The following KDM4C variants were observed in gnomAD, a reference collection of about 807,000 sequenced individuals.
KDM4C encodes lysine demethylase 4C.
In KDM4C, 81 loss-of-function variants were observed where a neutral mutation model predicts 129.3. That is an observed-to-expected ratio of 0.63 (90% CI 0.52 to 0.75). The LOEUF (loss-of-function observed/expected upper bound fraction) is 0.75. Among genes scored for constraint, KDM4C ranks in the 30% least tolerant of loss-of-function variants. The pLI, the probability that KDM4C is intolerant of heterozygous loss-of-function variation, is 0.00. For synonymous variants in KDM4C, 573 were observed against 456.1 expected (o/e 1.26, Z -3.26); for missense variants, 1,457 against 1,304.0 (o/e 1.12, Z -1.81).
chr9:7,085,884 G>A lies in KDM4C; in HGVS notation c.2425-17801G>A, dbSNP rs113454977. 9.0e-3 allele frequency among the ~76,000 whole-genome samples: 1,364 copies of A among 151,874 alleles called. 18 individuals are homozygous for A. Among genetic ancestry groups the A allele is most frequent in the African/African-American group, 0.031 (1,277 of 41,420 alleles). On this transcript the variant is annotated intron_variant, in intron 17 of 21. Transcript: ENST00000381309. ...AAAAAAAAATTATTGGGCCAGGTGC[G>A]GTGGCTCATGCCTGTAATCCCAGCA... is the stretch of plus-strand genomic sequence containing the variant.
intron 17 of KDM4C, among the ~76,000 whole-genome samples, chr9:7,082,912 G>C (rs1423628325): frequency 6.6e-6 from 1 of 152,078 alleles, no homozygotes; most frequent in Admixed American, 6.6e-5. Flanking sequence ...CAAACATTAA[G>C]GACTTTTTCT....
In KDM4C at chr9:6,984,336, C is replaced by A. The variant is rs1563931464; in HGVS notation, c.1286C>A (p.Ser429Ter). The part of the protein sequence containing the change: ...AVKLRNTEAS[S>*]EEESSASRMQ... ...AAGCTGAGGAACACAGAAGCATCTT[C>A]AGAAGAAGAGTCATCTGCTAGCAGG... Residue 429 changes from serine to a stop codon, truncating the protein, a stop_gained, in exon 10 of 22, where the codon TCA becomes TAA. Transcript: ENST00000381309. LOFTEE classifies it high-confidence loss of function. 1.9e-6 allele frequency: 3 copies of A among 1,614,010 alleles called. No homozygotes were observed. Among genetic ancestry groups the A allele is most frequent in the Non-Finnish European group, 2.5e-6 (3 of 1,179,916 alleles).
intron 8 of KDM4C, among the ~76,000 whole-genome samples, chr9:6,962,135 T>C (rs1334135369): frequency 6.6e-6 from 1 of 152,188 alleles, no homozygotes; most frequent in Non-Finnish European, 1.5e-5. Flanking sequence ...AATTGATTGA[T>C]TGAAAAAAGC....
At chr9:7,077,341 C>G (rs867779339) in intron 17 of KDM4C, 4 of 485,928 alleles carry the variant, frequency 8.2e-6, no homozygotes, top group Non-Finnish European at 1.1e-5. Flanking sequence ...TGCCCCTCCC[C>G]TCAACTACGG....
At chr9:6,832,302 T>C (rs1834970778) in intron 4 of KDM4C, among the ~76,000 whole-genome samples, 1 of 147,380 alleles carries the variant, frequency 6.8e-6, no homozygotes, top group Non-Finnish European at 1.5e-5. Flanking sequence ...ATTGCGCCAC[T>C]GCACTCCAGC....
chr9:6,911,432 C>T (rs2131084129), intron 8 of KDM4C, among the ~76,000 whole-genome samples: 1 of 152,286 alleles, frequency 6.6e-6, no homozygotes, highest in Non-Finnish European at 1.5e-5. Context: ...GTAATGATGA[C>T]TGTGGGCTGT....
chr9:7,169,246 C>T lies in KDM4C; in HGVS notation c.2902-552C>T, dbSNP rs112296802. On this transcript the variant is annotated intron_variant, in intron 20 of 21. Coordinates refer to ENST00000381309, the MANE Select transcript of KDM4C (RefSeq NM_015061.6). Reference sequence around the variant, plus strand: ...CAGCTACTTTTCTTTGTTGTTGCTTCGCCAGATAAAGTTTTCATATCCTGT... The same window carrying T: ...CAGCTACTTTTCTTTGTTGTTGCTTTGCCAGATAAAGTTTTCATATCCTGT... Among the ~76,000 whole-genome samples the T allele has an allele frequency of 1.3e-3, 199 of 152,212 alleles. 2 individuals are homozygous for T. Among genetic ancestry groups the T allele is most frequent in the African/African-American group, 4.5e-3 (185 of 41,522 alleles).
At chr9:6,997,183 G>T (rs1238339618) in intron 12 of KDM4C, among the ~76,000 whole-genome samples, 1 of 151,798 alleles carries the variant, frequency 6.6e-6, no homozygotes, top group African/African-American at 2.4e-5. Context: ...TGTTGCTGTT[G>T]TAAGGAGAGG....
intron 17 of KDM4C, among the ~76,000 whole-genome samples, chr9:7,059,465 C>G (rs1831316865): frequency 6.6e-6 from 1 of 152,172 alleles, no homozygotes; most frequent in African/African-American, 2.4e-5. Flanking sequence ...GGCAAACTAT[C>G]TGTTACAAAT....
Position 7,015,920 on chromosome 9 carries a change from G to T in KDM4C, c.2250G>T (p.Ala750=), listed in dbSNP as rs774249515. The T allele has an allele frequency of 6.2e-7, 1 of 1,610,424 alleles. No individual in the cohort carries two copies. The highest frequency in any genetic ancestry group is 8.5e-7 in the Non-Finnish European group (1 of 1,177,058). ...TGTGTGCCCGGTGCAAAAGAAATGC[G>T]TGGACAGCAGTAAGTAGCTTATTTT... ...GWLCARCKRN[A]WTAECCLCNL... The change falls in exon 15 of 22, where the codon GCG becomes GCT. Residue 750 remains alanine (A), a synonymous_variant. Transcript: ENST00000381309.
intron 17 of KDM4C, among the ~76,000 whole-genome samples, chr9:7,050,249 G>T (rs35821841): frequency 0.045 from 6,849 of 151,042 alleles, 203 homozygotes; most frequent in East Asian, 0.1. Context: ...GATTACTGTG[G>T]CTGATGTGAG....
chr9:7,066,367 T>C (rs889572592), intron 17 of KDM4C, among the ~76,000 whole-genome samples: 2 of 152,202 alleles, frequency 1.3e-5, no homozygotes, highest in African/African-American at 4.8e-5. Context: ...TTTGTTCTTT[T>C]GGTAGTTTTG....
intron 18 of KDM4C, among the ~76,000 whole-genome samples, chr9:7,125,367 G>T (rs1439393611): frequency 6.6e-6 from 1 of 152,146 alleles, no homozygotes. Flanking sequence ...CTTCTCTCAC[G>T]CCACCTGTGA....
intron 8 of KDM4C, among the ~76,000 whole-genome samples, chr9:6,907,350 C>G (rs1235564635): frequency 6.6e-6 from 1 of 152,080 alleles, no homozygotes; most frequent in Non-Finnish European, 1.5e-5. Flanking sequence ...TTTATGCGGT[C>G]TACTTCTGTG....
Position 6,734,417 on chromosome 9 carries a change from C to T in KDM4C, c.49+13420C>T, listed in dbSNP as rs1195485478. Among the ~76,000 whole-genome samples, 3 of 151,738 alleles carry T rather than the reference C, an allele frequency of 2.0e-5. 1 individual carries two copies. The highest frequency in any genetic ancestry group is 2.0e-4 in the Admixed American group (3 of 15,182). Reference sequence around the variant, plus strand: ...TCAAGTGATTCTCCTGCCTCAGCCTCCCGAGTAGCTGGGATTACAGGCATG... The same window carrying T: ...TCAAGTGATTCTCCTGCCTCAGCCTTCCGAGTAGCTGGGATTACAGGCATG... On this transcript the variant is annotated intron_variant, in intron 1 of 17. Transcript: ENST00000536108.
chr9:7,172,742 G>T (rs569943128), intron 21 of KDM4C, among the ~76,000 whole-genome samples: 31 of 152,268 alleles, frequency 2.0e-4, no homozygotes, highest in African/African-American at 4.8e-5. Context: ...GCTTCCTTGT[G>T]GCTGTTTTCT....
At chr9:7,023,048 C>G (rs1282809608) in intron 15 of KDM4C, among the ~76,000 whole-genome samples, 5 of 152,114 alleles carry the variant, frequency 3.3e-5, no homozygotes, top group Non-Finnish European at 5.9e-5. Flanking sequence ...ATTTGGTTTG[C>G]TAGTATTTTG....
chr9:6,730,277 T>C (rs902923574), intron 1 of KDM4C, among the ~76,000 whole-genome samples: 3 of 152,150 alleles, frequency 2.0e-5, no homozygotes, highest in African/African-American at 7.2e-5. Flanking sequence ...CTTTATAGTA[T>C]GGGCTTGTTA....
chr9:6,791,047 C>T (rs567072053), intron 1 of KDM4C, among the ~76,000 whole-genome samples: 74 of 152,242 alleles, frequency 4.9e-4, no homozygotes, highest in African/African-American at 1.7e-3. Context: ...CTTGTCTGGC[C>T]AACTCCCATA....
Sources: gnomAD v4.1 joint callset for allele counts (sites outside exome capture counted in the v4.1 genomes callset) on GRCh38, gnomAD v4.1.1 for gene constraint, MANE v1.5 for transcripts, NCBI Gene and HGNC (gene_info 2026-07-23, HGNC 2026-07-21) for gene names.